The following USP13 variants were observed in gnomAD, a reference collection of about 807,000 sequenced individuals.
USP13 encodes ubiquitin specific peptidase 13.
USP13 carries 68 observed loss-of-function variants against 107.8 expected under a neutral mutation model. The ratio of observed to expected loss-of-function variants is 0.63; its 90% CI spans 0.52 to 0.77. The LOEUF is 0.77. Among genes scored for constraint, USP13 ranks in the 30% least tolerant of loss-of-function variants. The probability of loss-of-function intolerance (pLI) is 0.00; values close to 1 mark genes in which losing one functional copy is unlikely to be tolerated. For missense variants in USP13, 945 were observed against 1,093.3 expected (o/e 0.86, Z 1.91); for synonymous variants, 377 against 389.5 (o/e 0.97, Z 0.38).
rs551623917 is a variant in USP13, at chr3:179,707,044, C to T, written c.588C>T (p.Thr196=). ...TATCTAAATATGCCAACAACCTCAC[C>T]CAGCTGGACAATGGAGTCAGGATTC... The part of the protein sequence containing the change: ...LPVSKYANNL[T]QLDNGVRIPP... Residue 196 remains threonine, a synonymous_variant, in exon 5 of 21, where the codon ACC becomes ACT. Coordinates refer to ENST00000263966, the MANE Select transcript of USP13 (RefSeq NM_003940.3). 2 of 1,614,056 alleles carry T rather than the reference C, an allele frequency of 1.2e-6. No individual in the cohort carries two copies. The highest frequency in any genetic ancestry group is 1.7e-5 in the Admixed American group (1 of 60,016).
intron 2 of USP13, among the ~76,000 whole-genome samples, chr3:179,686,780 A>G (rs544790845): frequency 2.0e-5 from 3 of 152,364 alleles, no homozygotes; most frequent in Middle Eastern, 3.4e-3. Context: ...TAGGTGTCAC[A>G]CTTGGTGGAT....
chr3:179,708,754 C>G lies in USP13; in HGVS notation c.621-19C>G, dbSNP rs2108483047. On this transcript the variant is annotated intron_variant, in intron 5 of 20. Transcript: ENST00000263966. ...AATTATGCCCTGGCTGTTCTGACTA[C>G]TCTCCAATGGCTTTCCAGTGGTTGG... The G allele has an allele frequency of 6.2e-7, 1 of 1,613,170 alleles. No individual in the cohort carries two copies. The highest frequency in any genetic ancestry group is 8.5e-7 in the Non-Finnish European group (1 of 1,179,574).
At chr3:179,727,728 C>T (rs375173659) in intron 8 of USP13, among the ~76,000 whole-genome samples, 2,566 of 56,894 alleles carry the variant, frequency 0.045, 562 homozygotes, top group East Asian at 0.1. Context: ...CTCCTCACTT[C>T]CCAGTAGGGG....
chr3:179,661,970 T>C (rs1720469132), intron 1 of USP13, among the ~76,000 whole-genome samples: 1 of 152,232 alleles, frequency 6.6e-6, no homozygotes, highest in Non-Finnish European at 1.5e-5. Flanking sequence ...TGACGTCATC[T>C]GTGCAGTTTC....
rs545809215 is a variant in USP13, at chr3:179,770,752, G to A, written c.2413+4904G>A. The stretch of plus-strand genomic sequence containing the variant: ...CTGGAGTAGCTAGGATTACAGGCAC[G>A]CGCCACCACACCCAGCTAATTTTTA... On this transcript the variant is annotated intron_variant, in intron 19 of 20. Coordinates refer to ENST00000263966, the MANE Select transcript of USP13 (RefSeq NM_003940.3). Among the ~76,000 whole-genome samples the A allele has an allele frequency of 3.3e-5, 5 of 152,042 alleles. 1 individual carries two copies. Among genetic ancestry groups the A allele is most frequent in the African/African-American group, 9.6e-5 (4 of 41,480 alleles).
chr3:179,671,194 T>G (rs1459016293), intron 1 of USP13, among the ~76,000 whole-genome samples: 6 of 152,018 alleles, frequency 3.9e-5, no homozygotes, highest in African/African-American at 1.4e-4. Context: ...CAGAGATGGC[T>G]CCACTGCATT....
intron 6 of USP13, among the ~76,000 whole-genome samples, chr3:179,719,445 A>G (rs1713227415): frequency 6.6e-6 from 1 of 152,134 alleles, no homozygotes; most frequent in Non-Finnish European, 1.5e-5. Flanking sequence ...GTTTGAGAAT[A>G]CAGAGGGTTT....
intron 13 of USP13, among the ~76,000 whole-genome samples, chr3:179,750,393 T>C (rs1433442775): frequency 6.7e-6 from 1 of 149,090 alleles, no homozygotes; most frequent in African/African-American, 2.5e-5. Flanking sequence ...TTTGGTGCAG[T>C]TGAGGACTTG....
intron 1 of USP13, among the ~76,000 whole-genome samples, chr3:179,655,562 G>GT (rs144175090): frequency 3.2e-4 from 40 of 124,802 alleles, no homozygotes; most frequent in East Asian, 7.4e-4. Flanking sequence ...TTTTTGTTTT[G>GT]TTTTGTTTTT....
chr3:179,657,781 A>AAG (rs1720319226), intron 1 of USP13, among the ~76,000 whole-genome samples: 1 of 146,904 alleles, frequency 6.8e-6, no homozygotes, highest in African/African-American at 2.5e-5. Context: ...AAAAAAAAAA[A>AAG]AAAAAGAAAG....
chr3:179,709,096 A>G, intron 6 of USP13, 139 bp downstream of exon 6: 1 of 1,069,996 alleles, frequency 9.3e-7, no homozygotes, highest in South Asian at 1.7e-5. Flanking sequence ...GCCTCTTATT[A>G]GTTTTGAGGT....
intron 12 of USP13, among the ~76,000 whole-genome samples, chr3:179,743,939 T>TC (rs1714301693): frequency 6.6e-6 from 1 of 151,482 alleles, no homozygotes; most frequent in Non-Finnish European, 1.5e-5. Context: ...TTTTTTTTTT[T>TC]TTTTTTGAGT....
At chr3:179,687,388 G>A (rs991113846) in intron 2 of USP13, among the ~76,000 whole-genome samples, 3 of 151,854 alleles carry the variant, frequency 2.0e-5, no homozygotes, top group Admixed American at 6.6e-5. Flanking sequence ...GGCCAGGTGC[G>A]GTGGCTCACA....
intron 19 of USP13, among the ~76,000 whole-genome samples, chr3:179,774,512 CGTCTGGAGTTGTTCGTTCCTCCT>C (rs1236484662): frequency 6.7e-6 from 1 of 148,786 alleles, no homozygotes; most frequent in Non-Finnish European, 1.5e-5. Context: ...TAAGGCAGCA[CGTCTGGAGTTGTTCGTTCCTCCT>C]GTCCGGAGTT....
At chr3:179,666,077 G>T (rs1375507113) in intron 1 of USP13, among the ~76,000 whole-genome samples, 1 of 152,140 alleles carries the variant, frequency 6.6e-6, no homozygotes, top group Non-Finnish European at 1.5e-5. Context: ...ATGTGAGATA[G>T]TAAATTGTCT....
At chr3:179,730,956 A>G (rs1439673502) in intron 10 of USP13, among the ~76,000 whole-genome samples, 1 of 152,248 alleles carries the variant, frequency 6.6e-6, no homozygotes, top group African/African-American at 2.4e-5. Context: ...CATCTTTAGA[A>G]ACAGTATTCT....
At chr3:179,682,175 C>T (rs536847754) in intron 2 of USP13, among the ~76,000 whole-genome samples, 172 bp downstream of exon 2, 23 of 151,110 alleles carry the variant, frequency 1.5e-4, no homozygotes, top group Non-Finnish European at 3.1e-4. Context: ...CAAACCTTAT[C>T]GTAACCAGTT....
chr3:179,773,836 C>A (rs1715413647), intron 19 of USP13, among the ~76,000 whole-genome samples: 1 of 152,102 alleles, frequency 6.6e-6, no homozygotes, highest in Admixed American at 6.5e-5. Flanking sequence ...ATCTATACAT[C>A]CTTGAGGATA....
intron 13 of USP13, among the ~76,000 whole-genome samples, chr3:179,750,377 TG>T (rs1237549980): frequency 6.7e-6 from 1 of 148,546 alleles, no homozygotes; most frequent in Admixed American, 6.8e-5. Context: ...CAGAGTTTGT[TG>T]TTTTTTTGGT....
Sources: gnomAD v4.1 joint callset for allele counts (sites outside exome capture counted in the v4.1 genomes callset) on GRCh38, gnomAD v4.1.1 for gene constraint, MANE v1.5 for transcripts, NCBI Gene and HGNC (gene_info 2026-07-23, HGNC 2026-07-21) for gene names.